Variants in CACNA1A observed in about 807,000 individuals in gnomAD.
The protein encoded by CACNA1A is calcium voltage-gated channel subunit alpha1 A.
Under a neutral mutation model 262.4 loss-of-function variants are expected in CACNA1A, and 57 were observed. That is an observed-to-expected ratio of 0.22 (90% confidence interval 0.18 to 0.27). The LOEUF (loss-of-function observed/expected upper bound fraction) is 0.27, where lower values mean the gene tolerates loss of function less well. Ranked by LOEUF, CACNA1A falls within the 10% of genes least tolerant of loss-of-function variation. The probability of loss-of-function intolerance (pLI) is 1.00; values close to 1 mark genes in which losing one functional copy is unlikely to be tolerated. For missense variants in CACNA1A, 2,526 were observed against 3,562.8 expected, an observed-to-expected ratio of 0.71 and a Z score of 7.41; for synonymous variants, 1,431 against 1,419.3, an observed-to-expected ratio of 1.01 and a Z score of -0.18.
At position 13,214,914 on chromosome 19, in the gene CACNA1A, G is replaced by T. The variant is rs955357721; in HGVS notation, c.5732-306C>A. On this transcript the variant is annotated intron_variant, in intron 38 of 46. Transcript: ENST00000360228. The surrounding 1 kb of genome is among the most constrained non-coding windows in gnomAD (Gnocchi z 4.1). ...TCCCAGTTATCGGCTGCATGACTTA[G>T]GTTACTCTACCACTTAGTAACTCAG... The T allele has an allele frequency of 2.4e-6, 1 of 415,838 alleles. No homozygotes were observed. Among genetic ancestry groups the T allele is most frequent in the Non-Finnish European group, 4.4e-6 (1 of 228,556 alleles). 25.8% of individuals were successfully genotyped at this position (415,838 alleles called of 1,614,324 possible). A position where few individuals can be genotyped will look rare whatever the true frequency, so the allele number is the denominator to read the frequency against.
intron 10 of CACNA1A, among the ~76,000 whole-genome samples, chr19:13,327,575 C>T (rs2058386173): frequency 6.7e-6 from 1 of 149,470 alleles, no homozygotes; most frequent in Admixed American, 6.7e-5. Context: ...TATGTATATG[C>T]AGATTTTTTA....
chr19:13,383,052 T>C (rs934373574), intron 3 of CACNA1A, among the ~76,000 whole-genome samples: 2 of 152,146 alleles, frequency 1.3e-5, no homozygotes, highest in African/African-American at 4.8e-5. Context: ...GGGGCAACGG[T>C]GGTGAAGAAA....
In CACNA1A at chr19:13,449,918, A is replaced by G. The variant is rs147935746; in HGVS notation, c.539+2958T>C. Among the ~76,000 whole-genome samples, 1,429 of 152,262 alleles carry G rather than the reference A, an allele frequency of 9.4e-3. 20 individuals are homozygous for G. The highest frequency in any genetic ancestry group is 0.032 in the African/African-American group (1,310 of 41,550). On this transcript the variant is annotated intron_variant, in intron 3 of 46. Coordinates refer to ENST00000360228, the MANE Select transcript of CACNA1A (RefSeq NM_001127222.2). ...CACTTTGGGAGGCCATGCCAGGTGG[A>G]TCACTTGAGGTCAGGAGTTCAAGAC...
At chr19:13,302,486 AG>A (rs902352683) in intron 17 of CACNA1A, among the ~76,000 whole-genome samples, 1 of 152,226 alleles carries the variant, frequency 6.6e-6, no homozygotes, top group African/African-American at 2.4e-5. Flanking sequence ...GGTTTCCATG[AG>A]GACTGAATAG....
intron 2 of CACNA1A, among the ~76,000 whole-genome samples, chr19:13,453,706 A>T (rs2060956410): frequency 6.6e-6 from 1 of 152,212 alleles, no homozygotes; most frequent in Admixed American, 6.5e-5. Flanking sequence ...CATATTTGAA[A>T]TTAAGCTACA....
At chr19:13,433,853 G>A (rs73925305) in intron 3 of CACNA1A, among the ~76,000 whole-genome samples, 2,817 of 152,288 alleles carry the variant, frequency 0.018, 85 homozygotes, top group African/African-American at 0.065. Context: ...ACTAAGTCAA[G>A]CAGCAAACGT....
Position 13,468,647 on chromosome 19 carries a change from C to T in CACNA1A, c.294-13435G>A, listed in dbSNP as rs2061296919. On this transcript the variant is annotated intron_variant, in intron 1 of 46. Coordinates refer to ENST00000360228, the MANE Select transcript of CACNA1A (RefSeq NM_001127222.2). Reference sequence around the variant, plus strand: ...ACTAAAAATACAAAAGTTAGCTGGGCATGGTGGTGCGTGCTTGTAATCCCA... The same window carrying T: ...ACTAAAAATACAAAAGTTAGCTGGGTATGGTGGTGCGTGCTTGTAATCCCA... Among the ~76,000 whole-genome samples the T allele has an allele frequency of 1.3e-5, 2 of 152,058 alleles. 1 individual carries two copies. The highest frequency in any genetic ancestry group is 4.2e-4 in the South Asian group (2 of 4,818).
intron 19 of CACNA1A, among the ~76,000 whole-genome samples, chr19:13,292,578 T>C (rs1364179926): frequency 6.6e-6 from 1 of 151,958 alleles, no homozygotes; most frequent in African/African-American, 2.4e-5. Context: ...TGTACCACTG[T>C]ACTCCGGGGC....
intron 8 of CACNA1A, among the ~76,000 whole-genome samples, chr19:13,333,441 T>C (rs1396245114): frequency 6.6e-6 from 1 of 152,084 alleles, no homozygotes; most frequent in Non-Finnish European, 1.5e-5. Flanking sequence ...TCCTACTCTT[T>C]TTTTTTTCTC....
chr19:13,505,870 G>A, intron 1 of CACNA1A, 62 bp downstream of exon 1: 1 of 1,532,106 alleles, frequency 6.5e-7, no homozygotes. Context: ...CAGCCTGGAA[G>A]AGGGGAGGCG....
At chr19:13,338,056 A>G (rs1189447869) in intron 6 of CACNA1A, among the ~76,000 whole-genome samples, 1 of 152,144 alleles carries the variant, frequency 6.6e-6, no homozygotes, top group African/African-American at 2.4e-5. Context: ...CGTCTCTACT[A>G]AAAATACAAA....
chr19:13,428,317 C>A (rs1204967230), intron 3 of CACNA1A, among the ~76,000 whole-genome samples: 1 of 152,206 alleles, frequency 6.6e-6, no homozygotes, highest in African/African-American at 2.4e-5. Flanking sequence ...ATTCTCATCA[C>A]AATTTACCTG....
chr19:13,391,479 T>G (rs983006034), intron 3 of CACNA1A, among the ~76,000 whole-genome samples: 14 of 152,290 alleles, frequency 9.2e-5, no homozygotes, highest in African/African-American at 3.1e-4. Flanking sequence ...GAAGCCCTCT[T>G]AAAGTACAGT....
At chr19:13,255,031 T>C in intron 29 of CACNA1A, 64 bp downstream of exon 29, 1 of 1,547,068 alleles carries the variant, frequency 6.5e-7, no homozygotes, top group Non-Finnish European at 8.9e-7. Flanking sequence ...TTTCATTTTA[T>C]CAGGGTAGAG....
intron 3 of CACNA1A, among the ~76,000 whole-genome samples, chr19:13,387,290 A>G (rs980266140): frequency 2.6e-5 from 4 of 152,144 alleles, no homozygotes; most frequent in Admixed American, 2.6e-4. Flanking sequence ...GCTAAGTCAT[A>G]TCAGAACCTG....
At chr19:13,450,133 T>C in intron 3 of CACNA1A, among the ~76,000 whole-genome samples, 1 of 124,782 alleles carries the variant, frequency 8.0e-6, no homozygotes, top group Non-Finnish European at 1.6e-5. Flanking sequence ...AGAGGGAGAC[T>C]CTTGTCAAAA....
chr19:13,459,904 G>T (rs2061086673), intron 1 of CACNA1A, among the ~76,000 whole-genome samples: 1 of 152,186 alleles, frequency 6.6e-6, no homozygotes, highest in Non-Finnish European at 1.5e-5. Flanking sequence ...GGCCAGTGTT[G>T]CCTGGATTTC....
intron 6 of CACNA1A, among the ~76,000 whole-genome samples, chr19:13,343,212 C>T (rs975737542): frequency 2.6e-5 from 4 of 151,910 alleles, no homozygotes; most frequent in African/African-American, 9.7e-5. Context: ...ACCTCCACCT[C>T]CTGGGTCCAA....
chr19:13,208,993 C>T lies in CACNA1A; in HGVS notation c.6543G>A (p.Leu2181=). Residue 2181 remains leucine (L), a synonymous_variant, in exon 46 of 47, where the codon CTG becomes CTA. Transcript: ENST00000360228. Reference sequence around the variant, plus strand: ...GGTCCCCGGATTGGGTGGTCATGCTCAGGTCTGTCCCCAAGCCTGGGCCGG... The same window carrying T: ...GGTCCCCGGATTGGGTGGTCATGCTTAGGTCTGTCCCCAAGCCTGGGCCGG... The part of the protein sequence containing the change: ...TDVDTGLGTD[L]SMTTQSGDLP... 2.0e-6 allele frequency: 3 copies of T among 1,537,272 alleles called. No homozygotes were observed. The highest frequency in any genetic ancestry group is 2.6e-6 in the Non-Finnish European group (3 of 1,146,894).
Sources: gnomAD v4.1 joint callset for allele counts (sites outside exome capture counted in the v4.1 genomes callset) on GRCh38, gnomAD v4.1.1 for gene constraint, Gnocchi (gnomAD v3.1) non-coding constraint, MANE v1.5 for transcripts, NCBI Gene and HGNC (gene_info 2026-07-23, HGNC 2026-07-21) for gene names.